CADPS2: variants seen among roughly 807,000 people sequenced by gnomAD.
CADPS2 encodes calcium-dependent secretion activator 2.
Under a neutral mutation model 172.5 loss-of-function variants are expected in CADPS2, and 93 were observed. The ratio of observed to expected loss-of-function variants is 0.54; its 90% CI spans 0.46 to 0.64. CADPS2 has a LOEUF of 0.64. Ranked by LOEUF, CADPS2 falls within the 30% of genes least tolerant of loss-of-function variation. The probability of loss-of-function intolerance (pLI) is 0.00; values close to 1 mark genes in which losing one functional copy is unlikely to be tolerated. For missense variants in CADPS2, 1,420 were observed against 1,565.9 expected (o/e 0.91, Z 1.57); for synonymous variants, 546 against 555.2 (o/e 0.98, Z 0.23).
chr7:122,530,136 G>A (rs921045961), intron 8 of CADPS2, among the ~76,000 whole-genome samples: 5 of 152,038 alleles, frequency 3.3e-5, no homozygotes, highest in Non-Finnish European at 5.9e-5. Context: ...AATTACCATG[G>A]TAGTTCCTAC....
intron 1 of CADPS2, among the ~76,000 whole-genome samples, chr7:122,837,654 T>C (rs922245376): frequency 6.6e-6 from 1 of 152,180 alleles, no homozygotes; most frequent in Non-Finnish European, 1.5e-5. Context: ...TAAACACCTC[T>C]ATGCAAATAA....
chr7:122,769,183 TAAG>T (rs1286461862), intron 1 of CADPS2, among the ~76,000 whole-genome samples: 1 of 152,214 alleles, frequency 6.6e-6, no homozygotes. Context: ...GATTATCACA[TAAG>T]AAGACTCTTA....
chr7:122,786,411 T>C (rs1180484209), intron 1 of CADPS2, among the ~76,000 whole-genome samples: 2 of 152,174 alleles, frequency 1.3e-5, no homozygotes, highest in Non-Finnish European at 2.9e-5. Flanking sequence ...AACAAATACA[T>C]AAGCAGTACA....
intron 8 of CADPS2, among the ~76,000 whole-genome samples, chr7:122,533,760 C>A (rs1049796698): frequency 3.9e-5 from 6 of 152,084 alleles, no homozygotes; most frequent in African/African-American, 7.2e-5. Flanking sequence ...AATATGTAAT[C>A]AAAAATTATG....
intron 19 of CADPS2, among the ~76,000 whole-genome samples, chr7:122,410,689 T>C (rs567289346): frequency 6.6e-6 from 1 of 151,962 alleles, no homozygotes; most frequent in East Asian, 2.0e-4. Flanking sequence ...GCTGTGCAAA[T>C]GTAATAATTG....
At chr7:122,864,570 C>T (rs542703135) in intron 1 of CADPS2, among the ~76,000 whole-genome samples, 6 of 152,044 alleles carry the variant, frequency 3.9e-5, no homozygotes, top group Admixed American at 2.0e-4. Flanking sequence ...TTACCTAGGG[C>T]TGGAACTATT....
Position 122,345,638 on chromosome 7 carries a change from C to T in CADPS2, c.3548G>A (p.Arg1183Gln), listed in dbSNP as rs754851028. 14 of 1,613,020 alleles carry T rather than the reference C, an allele frequency of 8.7e-6. No individual in the cohort carries two copies. Among genetic ancestry groups the T allele is most frequent in the East Asian group, 2.2e-5 (1 of 44,808 alleles). The change falls in exon 28 of 30, where the codon CGG (arginine) becomes CAG (glutamine). Residue 1183 changes from arginine to glutamine, a missense_variant. By Grantham distance (43) the Arg-to-Gln change is conservative (BLOSUM62 1). Coordinates refer to ENST00000449022, the MANE Select transcript of CADPS2 (RefSeq NM_017954.11). ...DLADTYIMFV[R>Q]QNQDILREKV... ...TTCTCGAAGAATATCTTGGTTTTGC[C>T]GAACAAACATAATATAGGTGTCTGC...
rs1465277551 is a variant in CADPS2 at position 122,320,259 on chromosome 7, C to T, written c.3797G>A (p.Arg1266His). 1.2e-6 allele frequency: 2 copies of T among 1,613,654 alleles called. No homozygotes were observed. Among genetic ancestry groups the T allele is most frequent in the Non-Finnish European group, 1.7e-6 (2 of 1,179,666 alleles). ...GGCTGTGGCCTCCTCTACTGTTAAA[C>T]GTCTGTGCACAGTATCATAAGTCTT... The part of the protein sequence containing the change: ...NSKTYDTVHR[R>H]LTVEEATASV... The change falls in exon 30 of 30, where the codon CGT becomes CAT. Residue 1266 changes from arginine to histidine, a missense_variant. Arg to His is a conservative substitution (Grantham distance 29, BLOSUM62 0). Coordinates refer to ENST00000449022, the MANE Select transcript of CADPS2 (RefSeq NM_017954.11).
At chr7:122,548,364 C>T (rs2063842217) in intron 8 of CADPS2, among the ~76,000 whole-genome samples, 1 of 151,882 alleles carries the variant, frequency 6.6e-6, no homozygotes, top group Non-Finnish European at 1.5e-5. Flanking sequence ...CAGGATAAGA[C>T]CCTGTCTAAA....
intron 19 of CADPS2, among the ~76,000 whole-genome samples, chr7:122,412,406 A>T (rs2047417522): frequency 6.6e-6 from 1 of 152,250 alleles, no homozygotes; most frequent in African/African-American, 2.4e-5. Context: ...AATTAAAAAA[A>T]TCAAATACCC....
chr7:122,877,907 C>T (rs1285764577), intron 1 of CADPS2, among the ~76,000 whole-genome samples: 1 of 152,098 alleles, frequency 6.6e-6, no homozygotes, highest in Non-Finnish European at 1.5e-5. Context: ...AGACGAAGTG[C>T]CTTGTTCACA....
At chr7:122,514,334 T>C (rs2060200949) in intron 8 of CADPS2, among the ~76,000 whole-genome samples, 1 of 152,048 alleles carries the variant, frequency 6.6e-6, no homozygotes, top group Non-Finnish European at 1.5e-5. Flanking sequence ...AGTGATTTTT[T>C]TAAAGGAGCA....
chr7:122,629,289 C>T lies in CADPS2; in HGVS notation c.826G>A (p.Glu276Lys), dbSNP rs1178002161. 6.2e-7 allele frequency: 1 copy of T among 1,610,056 alleles called. No individual in the cohort carries two copies. Among genetic ancestry groups the T allele is most frequent in the Non-Finnish European group, 8.5e-7 (1 of 1,178,020 alleles). The change falls in exon 4 of 30, where the codon GAA (glutamate) becomes AAA (lysine). Residue 276 changes from glutamate to lysine, a missense_variant. Transcript: ENST00000449022. Reference sequence around the variant, plus strand: ...GCCAATTGCAGCCGGCCATCAAGTTCCCTTCTGATCTGGGCTGCTTGTTCA... The same window carrying T: ...GCCAATTGCAGCCGGCCATCAAGTTTCCTTCTGATCTGGGCTGCTTGTTCA... The part of the protein sequence containing the change: ...ADEQAAQIRR[E>K]LDGRLQLADK...
At chr7:122,480,663 G>C (rs1220650918) in intron 12 of CADPS2, among the ~76,000 whole-genome samples, 189 bp downstream of exon 12, 2 of 152,044 alleles carry the variant, frequency 1.3e-5, no homozygotes, top group Non-Finnish European at 2.9e-5. Context: ...GTAGATATTA[G>C]GTTGTTTCTA....
At chr7:122,340,264 C>A (rs916541361) in intron 28 of CADPS2, among the ~76,000 whole-genome samples, 1 of 152,034 alleles carries the variant, frequency 6.6e-6, no homozygotes, top group Non-Finnish European at 1.5e-5. Flanking sequence ...AACTCCTCCA[C>A]AATTAAACAT....
intron 2 of CADPS2, among the ~76,000 whole-genome samples, chr7:122,730,554 C>A (rs956438287): frequency 6.6e-6 from 1 of 151,532 alleles, no homozygotes; most frequent in African/African-American, 2.4e-5. Flanking sequence ...TATTTAGATA[C>A]AAGCACACAA....
At chr7:122,461,480 T>C (rs2054423133) in intron 14 of CADPS2, among the ~76,000 whole-genome samples, 1 of 152,170 alleles carries the variant, frequency 6.6e-6, no homozygotes, top group South Asian at 2.1e-4. Flanking sequence ...CCTTACAGTG[T>C]ACTTACAAAA....
chr7:122,338,204 C>T (rs2036195963), intron 28 of CADPS2, among the ~76,000 whole-genome samples: 1 of 152,176 alleles, frequency 6.6e-6, no homozygotes, highest in South Asian at 2.1e-4. Context: ...CGAGACCACC[C>T]TGGGCAACGT....
intron 27 of CADPS2, among the ~76,000 whole-genome samples, chr7:122,348,425 A>G (rs968295294): frequency 1.3e-5 from 2 of 152,164 alleles, no homozygotes; most frequent in East Asian, 3.8e-4. Flanking sequence ...ATAATACTGA[A>G]ATTTCTAAGT....
Sources: allele counts gnomAD v4.1 joint callset (sites outside exome capture counted in the v4.1 genomes callset), GRCh38; gene constraint gnomAD v4.1.1; transcripts MANE v1.5; gene names NCBI Gene and HGNC (gene_info 2026-07-23, HGNC 2026-07-21).